The following ADAM19 variants were observed in gnomAD, a reference collection of about 807,000 sequenced individuals.
ADAM19 encodes the protein ADAM metallopeptidase domain 19.
A neutral mutation model predicts 114.7 loss-of-function variants in ADAM19; 65 were observed. That is an observed-to-expected ratio of 0.57 (90% CI 0.46 to 0.70). The LOEUF is 0.70. Among genes scored for constraint, ADAM19 ranks in the 30% least tolerant of loss-of-function variants. The pLI is 0.00. For missense variants in ADAM19, 1,063 were observed against 1,204.7 expected (o/e 0.88, Z 1.74); for synonymous variants, 466 against 460.5 (o/e 1.01, Z -0.15).
At chr5:157,503,234 T>C (rs1321060608) in intron 11 of ADAM19, among the ~76,000 whole-genome samples, 2 of 152,106 alleles carry the variant, frequency 1.3e-5, no homozygotes, top group Admixed American at 6.5e-5. Context: ...CAGCAAACTA[T>C]TGCAAGGACA....
At chr5:157,541,342 G>A (rs921340047) in intron 3 of ADAM19, among the ~76,000 whole-genome samples, 6 of 152,256 alleles carry the variant, frequency 3.9e-5, no homozygotes, top group African/African-American at 9.6e-5. Context: ...TTCCCATTCC[G>A]CCCACTCCTT....
chr5:157,537,403 A>G (rs536130547), intron 4 of ADAM19, among the ~76,000 whole-genome samples: 15 of 152,374 alleles, frequency 9.8e-5, no homozygotes, highest in Admixed American at 5.2e-4. Flanking sequence ...ACTTTGAGGG[A>G]AAAAATGTCC....
At chr5:157,556,709 C>T (rs1757378315) in intron 3 of ADAM19, among the ~76,000 whole-genome samples, 1 of 152,200 alleles carries the variant, frequency 6.6e-6, no homozygotes, top group South Asian at 2.1e-4. Flanking sequence ...AGTTTGACTC[C>T]TGGCTATGCC....
chr5:157,497,759 C>T (rs1253486432), intron 13 of ADAM19, among the ~76,000 whole-genome samples: 1 of 152,240 alleles, frequency 6.6e-6, no homozygotes, highest in Non-Finnish European at 1.5e-5. Flanking sequence ...TCCCACTTTG[C>T]AGATCAATAA....
At chr5:157,573,606 T>G (rs1757890965) in intron 1 of ADAM19, among the ~76,000 whole-genome samples, 1 of 151,628 alleles carries the variant, frequency 6.6e-6, no homozygotes, top group Non-Finnish European at 1.5e-5. Context: ...ACTAGCCGGG[T>G]GTGGTGGCAC....
chr5:157,571,060 T>C (rs1757807853), intron 1 of ADAM19, 80 bp from the exon 2 acceptor site: 1 of 1,244,608 alleles, frequency 8.0e-7, no homozygotes. Context: ...TTCTGTGAGC[T>C]GCCCCTGCAC....
intron 3 of ADAM19, among the ~76,000 whole-genome samples, chr5:157,548,833 C>T (rs2113775968): frequency 6.6e-6 from 1 of 152,302 alleles, no homozygotes; most frequent in African/African-American, 2.4e-5. Flanking sequence ...GTAGGAAACA[C>T]CCTCCAATTT....
chr5:157,525,637 G>A (rs1372284672), intron 5 of ADAM19, among the ~76,000 whole-genome samples: 3 of 152,068 alleles, frequency 2.0e-5, no homozygotes, highest in Non-Finnish European at 2.9e-5. Flanking sequence ...GGCCTGTGGA[G>A]GGACCAGCCT....
chr5:157,496,456 A>C (rs11466781), intron 14 of ADAM19, among the ~76,000 whole-genome samples: 1 of 152,092 alleles, frequency 6.6e-6, no homozygotes, highest in Non-Finnish European at 1.5e-5. Flanking sequence ...CTGTTTCTTC[A>C]CACCCTCCAC....
rs1315748267 is a variant in ADAM19 at position 157,494,779 on chromosome 5, A to G, written c.1611T>C (p.Pro537=). 6.2e-7 allele frequency: 1 copy of G among 1,613,648 alleles called. No individual in the cohort carries two copies. The highest frequency in any genetic ancestry group is 1.7e-5 in the Admixed American group (1 of 60,004). The change falls in exon 15 of 23, where the codon CCT becomes CCC. Residue 537 remains proline (P), a synonymous_variant. Transcript: ENST00000257527. ...CATTCACCTTCTCGAAGCAGAGGTC[A>G]GGGGCAGGTCGGGCTCCTGGGTGGG... ...QLWGPGARPA[P]DLCFEKVNVA...
At chr5:157,531,980 C>T (rs770320839) in intron 4 of ADAM19, among the ~76,000 whole-genome samples, 1 of 152,142 alleles carries the variant, frequency 6.6e-6, no homozygotes, top group African/African-American at 2.4e-5. Flanking sequence ...AAGTAAAATT[C>T]TACTGTTTTA....
At position 157,505,713 on chromosome 5, in the gene ADAM19, C is replaced by G; in HGVS notation, c.1086G>C (p.Ser362=). 1.9e-6 allele frequency: 3 copies of G among 1,614,092 alleles called. No individual in the cohort carries two copies. The highest frequency in any genetic ancestry group is 2.5e-6 in the Non-Finnish European group (3 of 1,180,002). The part of the protein sequence containing the change: ...GMTHDSADCC[S]ASAADGGCIM... ...TGCACCCACCATCAGCCGCACTGGC[C>G]GAGCAGCAATCTGCAGAATCATGGG... Residue 362 remains serine (S), a synonymous_variant, in exon 11 of 23, where the codon TCG becomes TCC. Coordinates refer to ENST00000257527, the MANE Select transcript of ADAM19 (RefSeq NM_033274.5).
intron 1 of ADAM19, among the ~76,000 whole-genome samples, chr5:157,574,107 T>C (rs1236222445): frequency 1.3e-5 from 2 of 152,170 alleles, no homozygotes; most frequent in East Asian, 1.9e-4. Context: ...ACTGTACTTA[T>C]GGGTATGGTT....
chr5:157,550,223 T>A (rs116486934), intron 3 of ADAM19, among the ~76,000 whole-genome samples: 1 of 148,042 alleles, frequency 6.8e-6, no homozygotes, highest in South Asian at 2.2e-4. Flanking sequence ...CAAGCTATCA[T>A]CCTCTCTCTG....
At chr5:157,481,532 G>A (rs1754746788) in intron 22 of ADAM19, 1 of 1,332,498 alleles carries the variant, frequency 7.5e-7, no homozygotes, top group African/African-American at 1.5e-5. Flanking sequence ...ACTTGCTCAG[G>A]GTCCCTCCCC....
At chr5:157,500,898 T>A (rs990800554) in intron 12 of ADAM19, among the ~76,000 whole-genome samples, 4 of 152,180 alleles carry the variant, frequency 2.6e-5, no homozygotes, top group Admixed American at 2.6e-4. Context: ...ACCACAGCCT[T>A]ATGAGGCAGC....
intron 12 of ADAM19, among the ~76,000 whole-genome samples, chr5:157,501,081 C>T (rs1199302383): frequency 6.6e-6 from 1 of 152,188 alleles, no homozygotes; most frequent in African/African-American, 2.4e-5. Context: ...CATCCCATCC[C>T]CTGACCACAG....
intron 21 of ADAM19, 23 bp downstream of exon 21, chr5:157,488,242 A>T: frequency 6.2e-7 from 1 of 1,604,464 alleles, no homozygotes; most frequent in Non-Finnish European, 8.5e-7. Flanking sequence ...TTCCCAGCCC[A>T]AGGTTGCTGA....
intron 4 of ADAM19, among the ~76,000 whole-genome samples, chr5:157,534,939 A>T (rs763593077): frequency 9.9e-5 from 15 of 152,174 alleles, no homozygotes; most frequent in Non-Finnish European, 1.5e-4. Context: ...CACCTTCTCT[A>T]GCAACAAAGG....
Sources: allele counts gnomAD v4.1 joint callset (sites outside exome capture counted in the v4.1 genomes callset), GRCh38; gene constraint gnomAD v4.1.1; transcripts MANE v1.5; gene names NCBI Gene and HGNC (gene_info 2026-07-23, HGNC 2026-07-21).